OR56A3: variants seen among roughly 807,000 people sequenced by gnomAD.
OR56A3 encodes olfactory receptor family 56 subfamily A member 3.
In OR56A3, 23 loss-of-function variants were observed where a neutral mutation model predicts 17.5. That is an observed-to-expected ratio of 1.32 (90% CI 0.95 to 1.87). The LOEUF (loss-of-function observed/expected upper bound fraction) is 1.87. Among genes scored for constraint, OR56A3 ranks in the 40% most tolerant of loss-of-function variants. The probability of loss-of-function intolerance (pLI) is 0.00; values close to 1 mark genes in which losing one functional copy is unlikely to be tolerated. For synonymous variants in OR56A3, 175 were observed against 150.6 expected (o/e 1.16, Z -1.19); for missense variants, 366 against 380.1 (o/e 0.96, Z 0.31).
the OR56A3 span, chr11:5,994,785 C>A: frequency 1.3e-6 from 1 of 755,836 alleles, no homozygotes. Flanking sequence ...AAGTAATGTC[C>A]CCAGTCTACC....
the OR56A3 span, chr11:5,968,134 T>C: frequency 1.9e-6 from 3 of 1,614,206 alleles, no homozygotes; most frequent in Non-Finnish European, 1.7e-6. Context: ...TCATAGGCCA[T>C]GATCATGAAT....
chr11:5,973,316 T>C, the OR56A3 span, among the ~76,000 whole-genome samples: 1 of 152,176 alleles, frequency 6.6e-6, no homozygotes, highest in Admixed American at 6.5e-5. Flanking sequence ...TAAAACCAAC[T>C]TTCCTAATAT....
At chr11:5,999,937 G>C in the OR56A3 span, 1 of 152,232 alleles carries the variant, frequency 6.6e-6, no homozygotes, top group Non-Finnish European at 1.5e-5. Flanking sequence ...GATGGCATTT[G>C]AATTCAACCT....
chr11:5,967,511 TC>T, the OR56A3 span: 1 of 1,322,168 alleles, frequency 7.6e-7, no homozygotes, highest in East Asian at 2.4e-5. Flanking sequence ...TTCTCCAATA[TC>T]AATTTCTGTT....
chr11:6,002,944 G>A, the OR56A3 span: 1 of 1,613,950 alleles, frequency 6.2e-7, no homozygotes, highest in Non-Finnish European at 8.5e-7. Flanking sequence ...AAGCAGATGA[G>A]GAGGAATTCA....
At chr11:5,993,375 G>C in the OR56A3 span, among the ~76,000 whole-genome samples, 1 of 152,214 alleles carries the variant, frequency 6.6e-6, no homozygotes, top group African/African-American at 2.4e-5. Flanking sequence ...CTGTTAAAAA[G>C]CAAATACAGC....
chr11:5,996,450 C>A, the OR56A3 span, among the ~76,000 whole-genome samples: 1 of 152,038 alleles, frequency 6.6e-6, no homozygotes, highest in African/African-American at 2.4e-5. Context: ...GTAGCCCAGC[C>A]TCTTTGTCTT....
the OR56A3 span, among the ~76,000 whole-genome samples, chr11:6,008,670 G>A: frequency 3.3e-5 from 5 of 151,824 alleles, no homozygotes; most frequent in African/African-American, 1.2e-4. Context: ...TGGTAGTTGC[G>A]AGGATAAAAT....
chr11:5,967,524 T>G, the OR56A3 span: 1 of 1,437,528 alleles, frequency 7.0e-7, no homozygotes, highest in East Asian at 2.3e-5. Flanking sequence ...ATTTCTGTTT[T>G]CAAGGTCAGG....
chr11:6,006,121 G>A, the OR56A3 span: 1 of 152,188 alleles, frequency 6.6e-6, no homozygotes, highest in Middle Eastern at 3.2e-3. Flanking sequence ...GACAGAGAAA[G>A]GCTGCAGTCA....
At chr11:5,943,448 T>A (rs1163882230) in intron 1 of OR56A3, 1 of 149,108 alleles carries the variant, frequency 6.7e-6, no homozygotes, top group Admixed American at 6.7e-5. Flanking sequence ...CTTCTAGGAG[T>A]CCTTTGTGAC....
chr11:5,993,637 T>C, the OR56A3 span, among the ~76,000 whole-genome samples: 1 of 152,184 alleles, frequency 6.6e-6, no homozygotes, highest in Non-Finnish European at 1.5e-5. Flanking sequence ...CTATACTCTA[T>C]AGCAGCCCTA....
the OR56A3 span, among the ~76,000 whole-genome samples, chr11:5,981,315 G>T: frequency 6.6e-6 from 1 of 151,996 alleles, no homozygotes; most frequent in Non-Finnish European, 1.5e-5. Context: ...TCATAGGTTT[G>T]GTCTCTTAAC....
At chr11:5,993,729 G>C in the OR56A3 span, 3 of 203,902 alleles carry the variant, frequency 1.5e-5, no homozygotes, top group African/African-American at 7.0e-5. Flanking sequence ...AAAAGTAAAA[G>C]AAAACATGTA....
chr11:5,955,560 C>T (rs1282623229), downstream of OR56A3, among the ~76,000 whole-genome samples: 6 of 152,068 alleles, frequency 3.9e-5, no homozygotes, highest in Non-Finnish European at 7.4e-5. Flanking sequence ...GAGGGTCAAG[C>T]GGGCACCTTG....
the OR56A3 span, chr11:5,967,411 T>G: frequency 1.6e-6 from 1 of 619,504 alleles, no homozygotes; most frequent in Non-Finnish European, 2.8e-6. Context: ...CGAGTAGATA[T>G]CCCTATAATC....
chr11:5,945,565 AG>A (rs1847864263), intron 2 of OR56A3, among the ~76,000 whole-genome samples: 1 of 137,856 alleles, frequency 7.3e-6, no homozygotes, highest in African/African-American at 2.8e-5. Flanking sequence ...CTGGCAACAG[AG>A]CTAGACCCCA....
chr11:6,007,881 C>A, the OR56A3 span, among the ~76,000 whole-genome samples: 4 of 152,210 alleles, frequency 2.6e-5, no homozygotes, highest in Non-Finnish European at 5.9e-5. Flanking sequence ...GTGGTCTGGA[C>A]CCCAGAGATC....
At chr11:6,002,628 G>T in the OR56A3 span, 1 of 1,614,216 alleles carries the variant, frequency 6.2e-7, no homozygotes, top group Non-Finnish European at 8.5e-7. Context: ...ACGGTCATAG[G>T]CCATGACCAT....
Sources: gnomAD v4.1 joint callset for allele counts (sites outside exome capture counted in the v4.1 genomes callset) on GRCh38, gnomAD v4.1.1 for gene constraint, MANE v1.5 for transcripts, NCBI Gene and HGNC (gene_info 2026-07-23, HGNC 2026-07-21) for gene names.